Variants in LOXHD1 observed in about 807,000 individuals in gnomAD.
The protein encoded by LOXHD1 is lipoxygenase homology domain-containing protein 1.
LOXHD1 carries 205 observed loss-of-function variants against 248.2 expected under a neutral mutation model. The observed-to-expected ratio is 0.83, with a 90% CI of 0.74 to 0.93. The LOEUF (loss-of-function observed/expected upper bound fraction) is 0.93, where lower values mean the gene tolerates loss of function less well. LOXHD1 is among the 40% of genes least tolerant of loss of function. LOXHD1 has a pLI of 0.00. For missense variants in LOXHD1, 2,930 were observed against 2,971.6 expected, an observed-to-expected ratio of 0.99 and a Z score of 0.33; for synonymous variants, 1,113 against 1,162.8, an observed-to-expected ratio of 0.96 and a Z score of 0.87.
rs935410729 is a variant in LOXHD1 at position 46,629,905 on chromosome 18, A to G, written c.511+9711T>C. On this transcript the variant is annotated intron_variant, in intron 4 of 40. Coordinates refer to ENST00000642948, the MANE Select transcript of LOXHD1 (RefSeq NM_001384474.1). Reference sequence around the variant, plus strand: ...CCCCTCCCACCACCTGCATGCGCCCAGCCCACCTGCCCAAGTTGTTGTTTC... The same window carrying G: ...CCCCTCCCACCACCTGCATGCGCCCGGCCCACCTGCCCAAGTTGTTGTTTC... 2.0e-5 allele frequency among the ~76,000 whole-genome samples: 3 copies of G among 152,024 alleles called. No individual in the cohort carries two copies. In the East Asian group the frequency reaches 5.8e-4, roughly 29 times the overall value.
intron 2 of LOXHD1, among the ~76,000 whole-genome samples, chr18:46,645,230 G>A (rs1180135211): frequency 6.6e-6 from 1 of 152,176 alleles, no homozygotes; most frequent in Non-Finnish European, 1.5e-5. Flanking sequence ...AGAGGGTTTC[G>A]GGTCAAAGGA....
rs772038369 is a variant in LOXHD1, at chr18:46,541,769, T to C, written c.3913+7A>G. 3 of 1,551,542 alleles carry C rather than the reference T, an allele frequency of 1.9e-6. No individual in the cohort carries two copies. The highest frequency in any genetic ancestry group is 2.0e-5 in the Admixed American group (1 of 50,984). ...GAAGGGCTGGCCTTGCCGTGTGTGGTTCCTACATGGTGTGTACAGCCTCGT... is the reference window on the plus strand; with the variant it reads ...GAAGGGCTGGCCTTGCCGTGTGTGGCTCCTACATGGTGTGTACAGCCTCGT... On this transcript the variant is annotated splice_region_variant and intron_variant, in intron 25 of 40. Transcript: ENST00000642948.
In LOXHD1 at chr18:46,477,816, C is replaced by A; in HGVS notation, c.6478G>T (p.Val2160Leu). 1 of 1,551,846 alleles carries A rather than the reference C, an allele frequency of 6.4e-7. No individual in the cohort carries two copies. The highest frequency in any genetic ancestry group is 8.7e-7 in the Non-Finnish European group (1 of 1,147,022). ...GCCCCTGGCTCATAGCCTGTTGTCA[C>A]GATGACTTCGTACTTGACGGGCACC... Reference protein sequence around the residue: ...SLVPVKYEVIVTTGYEPGAGT... With the variant: ...SLVPVKYEVILTTGYEPGAGT... Residue 2160 changes from valine (V) to leucine (L), a missense_variant, in exon 41 of 41, where the codon GTG (valine) becomes TTG (leucine). Physicochemically the swap from Val to Leu is conservative, Grantham distance 32. Transcript: ENST00000642948.
At chr18:46,554,925 ACAAT>A (rs933113573) in intron 21 of LOXHD1, among the ~76,000 whole-genome samples, 6 of 152,208 alleles carry the variant, frequency 3.9e-5, no homozygotes, top group African/African-American at 1.4e-4. Context: ...TAATGGCATA[ACAAT>A]CAAAATTCCA....
chr18:46,496,953 A>G (rs2033911026), intron 37 of LOXHD1, among the ~76,000 whole-genome samples: 1 of 152,234 alleles, frequency 6.6e-6, no homozygotes, highest in Admixed American at 6.5e-5. Flanking sequence ...CAGTGAGCAG[A>G]GATGGCCCCA....
At chr18:46,526,227 T>G (rs1345154054) in intron 29 of LOXHD1, among the ~76,000 whole-genome samples, 1 of 152,178 alleles carries the variant, frequency 6.6e-6, no homozygotes, top group Non-Finnish European at 1.5e-5. Context: ...CCACAGATAA[T>G]TTTTACAGTG....
Position 46,577,830 on chromosome 18 carries a change from TTCC to T in LOXHD1, c.1844_1846del (p.Arg615_Asn616delinsHis). 1 of 1,551,692 alleles carries T rather than the reference TTCC, an allele frequency of 6.4e-7. No individual in the cohort carries two copies. The highest frequency in any genetic ancestry group is 8.7e-7 in the Non-Finnish European group (1 of 1,146,990). On this transcript the variant is annotated inframe_deletion, in exon 14 of 41. Coordinates refer to ENST00000642948, the MANE Select transcript of LOXHD1 (RefSeq NM_001384474.1). ...GTGTCTGATCCTCACCCGCCTCACA[TTCC>T]GCATGGTGACAGACTCGATAGTGAA... is the stretch of plus-strand genomic sequence containing the variant.
chr18:46,610,840 T>C lies in LOXHD1; in HGVS notation c.695A>G (p.Gln232Arg). The C allele has an allele frequency of 6.4e-7, 1 of 1,551,794 alleles. No homozygotes were observed. The highest frequency in any genetic ancestry group is 8.7e-7 in the Non-Finnish European group (1 of 1,147,008). ...GTGGCCAACATTGATCTTCATCAGC[T>C]GCCCCAAATCCGGGGCATCCAGGAT... ...RFILDAPDLG[Q>R]LMKINVGHNN... The change falls in exon 6 of 41, where the codon CAG (glutamine) becomes CGG (arginine). Residue 232 changes from glutamine to arginine, a missense_variant. Transcript: ENST00000642948.
chr18:46,532,179 C>T (rs1481444956), intron 28 of LOXHD1, among the ~76,000 whole-genome samples: 1 of 152,194 alleles, frequency 6.6e-6, no homozygotes, highest in Non-Finnish European at 1.5e-5. Context: ...CTTCTTTGAT[C>T]TGTGTAGGCT....
chr18:46,576,825 CTG>C (rs556817271), intron 14 of LOXHD1, among the ~76,000 whole-genome samples: 1 of 152,080 alleles, frequency 6.6e-6, no homozygotes. Context: ...AGATGTGTGC[CTG>C]TGTGTGTGCG....
intron 24 of LOXHD1, 56 bp from the exon 25 acceptor site, chr18:46,541,996 G>T: frequency 6.7e-7 from 1 of 1,485,894 alleles, no homozygotes. Context: ...ATGATTTCCT[G>T]TGGGTAACTT....
At chr18:46,656,286 A>G (rs1192815801) in intron 1 of LOXHD1, among the ~76,000 whole-genome samples, 3 of 152,316 alleles carry the variant, frequency 2.0e-5, no homozygotes, top group South Asian at 4.1e-4. Context: ...GCTGGCCAAA[A>G]CCAGCTCTAG....
In LOXHD1 at chr18:46,521,144, G is replaced by T. The variant is rs561122654; in HGVS notation, c.5224C>A (p.Arg1742Ser). The T allele has an allele frequency of 3.9e-6, 6 of 1,551,738 alleles. No homozygotes were observed. The Admixed American group carries it at 5.9e-5, about 15-fold the overall frequency. ...ATGGCATCCAAGAGGTCGAAGACACGGGAGGTGATGCCGTCGCCTCTGTCC... is the reference window on the plus strand; with the variant it reads ...ATGGCATCCAAGAGGTCGAAGACACTGGAGGTGATGCCGTCGCCTCTGTCC... ...AKDRGDGITS[R>S]VFDLLDAMVV... The change falls in exon 33 of 41, where the codon CGT becomes AGT. Residue 1742 changes from arginine (R) to serine (S), a missense_variant. Arg to Ser is a moderately radical substitution (Grantham distance 110). Coordinates refer to ENST00000642948, the MANE Select transcript of LOXHD1 (RefSeq NM_001384474.1).
At chr18:46,540,375 G>T (rs1281734333) in intron 25 of LOXHD1, among the ~76,000 whole-genome samples, 2 of 152,186 alleles carry the variant, frequency 1.3e-5, no homozygotes, top group African/African-American at 4.8e-5. Context: ...TAGGTTGAAG[G>T]GAAACAGCCT....
chr18:46,493,055 G>A (rs1236379262), intron 37 of LOXHD1, among the ~76,000 whole-genome samples: 1 of 152,174 alleles, frequency 6.6e-6, no homozygotes, highest in Non-Finnish European at 1.5e-5. Context: ...GGATTGACAT[G>A]ATCTGGTCCT....
chr18:46,502,698 C>A (rs983590329), intron 37 of LOXHD1, among the ~76,000 whole-genome samples: 3 of 152,182 alleles, frequency 2.0e-5, no homozygotes, highest in African/African-American at 7.2e-5. Flanking sequence ...GTCCTTAACA[C>A]AGCATCCTCA....
chr18:46,487,476 T>C (rs1204099954), intron 38 of LOXHD1, among the ~76,000 whole-genome samples: 1 of 152,150 alleles, frequency 6.6e-6, no homozygotes, highest in African/African-American at 2.4e-5. Context: ...AGGAGCATAG[T>C]TGGGCTTCTA....
rs202169530 is a variant in LOXHD1 at position 46,479,776 on chromosome 18, A to C, written c.6342-1824T>G. Among the ~76,000 whole-genome samples, 585 of 144,038 alleles carry C rather than the reference A, an allele frequency of 4.1e-3. 20 individuals are homozygous for C. In the East Asian group the frequency reaches 0.11, roughly 28 times the overall value. 94.5% of individuals were successfully genotyped at this position (144,038 alleles called of 152,430 possible). A position where few individuals can be genotyped will look rare whatever the true frequency, so the allele number is the denominator to read the frequency against. On this transcript the variant is annotated intron_variant, in intron 40 of 40. Transcript: ENST00000642948. ...ACATTCTTAACAGAAAAAAAAAAAA[A>C]CAAAAAAAAAAACACCTTTGGTTTT... is the stretch of plus-strand genomic sequence containing the variant.
At chr18:46,643,020 C>T (rs911795636) in intron 2 of LOXHD1, among the ~76,000 whole-genome samples, 10 of 152,316 alleles carry the variant, frequency 6.6e-5, no homozygotes, top group Non-Finnish European at 1.3e-4. Context: ...TAAAATAAAG[C>T]GGAAGGGGAA....
Sources: allele counts gnomAD v4.1 joint callset (sites outside exome capture counted in the v4.1 genomes callset), GRCh38; gene constraint gnomAD v4.1.1; transcripts MANE v1.5; gene names NCBI Gene and HGNC (gene_info 2026-07-23, HGNC 2026-07-21).